FHIT: variants seen among roughly 807,000 people sequenced by gnomAD.
The protein encoded by FHIT is bis(5'-adenosyl)-triphosphatase.
Under a neutral mutation model 17.9 loss-of-function variants are expected in FHIT, and 19 were observed. That is an observed-to-expected ratio of 1.06 (90% CI 0.74 to 1.56). FHIT has a LOEUF of 1.56. Among genes scored for constraint, FHIT ranks in the 40% most tolerant of loss-of-function variants. FHIT has a pLI of 0.00. For synonymous variants in FHIT, 81 were observed against 69.7 expected, an observed-to-expected ratio of 1.16 and a Z score of -0.81; for missense variants, 248 against 189.2, an observed-to-expected ratio of 1.31 and a Z score of -1.82.
chr3:60,426,247 C>T (rs1309691776), intron 5 of FHIT, among the ~76,000 whole-genome samples: 1 of 152,052 alleles, frequency 6.6e-6, no homozygotes, highest in Non-Finnish European at 1.5e-5. Flanking sequence ...CAAGTGCTTG[C>T]AAATAAGGCC....
At chr3:60,170,530 AGT>A in intron 5 of FHIT, among the ~76,000 whole-genome samples, 1 of 152,290 alleles carries the variant, frequency 6.6e-6, no homozygotes, top group South Asian at 2.1e-4. Flanking sequence ...TTTGCTCACC[AGT>A]GTGACCCCAG....
At chr3:61,114,117 C>T (rs528082639) in intron 2 of FHIT, among the ~76,000 whole-genome samples, 183 of 152,230 alleles carry the variant, frequency 1.2e-3, no homozygotes, top group African/African-American at 3.9e-3. Context: ...AAATCATGCC[C>T]AATCTTTCCT....
chr3:61,150,924 C>T (rs1254343085), intron 2 of FHIT, among the ~76,000 whole-genome samples: 1 of 152,162 alleles, frequency 6.6e-6, no homozygotes. Context: ...GTCAAGGATA[C>T]CACCAAATTG....
chr3:60,007,455 A>G (rs1699969381), intron 7 of FHIT, among the ~76,000 whole-genome samples: 1 of 152,156 alleles, frequency 6.6e-6, no homozygotes, highest in Admixed American at 6.6e-5. Flanking sequence ...AACTTATGAG[A>G]TTCGTTCCAA....
intron 5 of FHIT, among the ~76,000 whole-genome samples, chr3:60,247,442 AGAT>A (rs1705460100): frequency 6.6e-6 from 1 of 152,080 alleles, no homozygotes; most frequent in East Asian, 1.9e-4. Flanking sequence ...ATGAAGATGA[AGAT>A]GAAGAAGAAG....
At chr3:61,004,251 T>C (rs569444933) in intron 3 of FHIT, among the ~76,000 whole-genome samples, 17 of 152,052 alleles carry the variant, frequency 1.1e-4, no homozygotes, top group Admixed American at 1.1e-3. Context: ...ATGGCCTGAG[T>C]GTCTTTAGCT....
chr3:60,453,378 C>A (rs988916783), intron 5 of FHIT, among the ~76,000 whole-genome samples: 1 of 152,194 alleles, frequency 6.6e-6, no homozygotes, highest in Admixed American at 6.5e-5. Context: ...GGCGAGGTAA[C>A]AGTTTTTCAG....
intron 5 of FHIT, among the ~76,000 whole-genome samples, chr3:60,467,657 A>G (rs977717683): frequency 1.3e-5 from 2 of 151,924 alleles, no homozygotes; most frequent in East Asian, 3.9e-4. Flanking sequence ...TTGATTTCTA[A>G]TTTTATTCCA....
At chr3:60,490,017 T>A (rs79213821) in intron 5 of FHIT, among the ~76,000 whole-genome samples, 1 of 152,118 alleles carries the variant, frequency 6.6e-6, no homozygotes, top group Non-Finnish European at 1.5e-5. Context: ...CAAGGCTACT[T>A]TTGACCAAAA....
chr3:61,000,227 G>A (rs897727976), intron 3 of FHIT, among the ~76,000 whole-genome samples: 1 of 152,184 alleles, frequency 6.6e-6, no homozygotes, highest in Admixed American at 6.5e-5. Context: ...CAGCACCACA[G>A]CAAGTAGGGT....
chr3:60,840,041 A>AC (rs1553744673), intron 3 of FHIT, among the ~76,000 whole-genome samples: 1 of 151,968 alleles, frequency 6.6e-6, no homozygotes, highest in East Asian at 1.9e-4. Flanking sequence ...CAGCTCCGTG[A>AC]GGAGCTCTCT....
At chr3:60,631,376 A>G (rs2039437618) in intron 4 of FHIT, among the ~76,000 whole-genome samples, 1 of 152,198 alleles carries the variant, frequency 6.6e-6, no homozygotes, top group African/African-American at 2.4e-5. Context: ...CCTAAAAACA[A>G]GAGCCTGTCT....
intron 3 of FHIT, among the ~76,000 whole-genome samples, chr3:61,014,657 G>A (rs1212501868): frequency 1.3e-5 from 2 of 150,514 alleles, no homozygotes; most frequent in African/African-American, 2.4e-5. Flanking sequence ...GTGGGCACCT[G>A]TAGTCCCAGC....
At chr3:60,875,676 G>A (rs1553756298) in intron 3 of FHIT, among the ~76,000 whole-genome samples, 1 of 148,222 alleles carries the variant, frequency 6.7e-6, no homozygotes, top group Non-Finnish European at 1.5e-5. Context: ...CTTAGTAGAT[G>A]CCAGGCATAG....
At chr3:60,145,891 G>A (rs2107314753) in intron 5 of FHIT, among the ~76,000 whole-genome samples, 1 of 152,220 alleles carries the variant, frequency 6.6e-6, no homozygotes, top group Middle Eastern at 3.4e-3. Flanking sequence ...GGCTCCCCAA[G>A]AACAGTGAAT....
chr3:60,958,695 T>A (rs1448759459), intron 3 of FHIT, among the ~76,000 whole-genome samples: 1 of 152,152 alleles, frequency 6.6e-6, no homozygotes, highest in African/African-American at 2.4e-5. Context: ...TGGCAGTAAG[T>A]ATAGCTGAGA....
chr3:60,471,273 A>G (rs2033076866), intron 5 of FHIT, among the ~76,000 whole-genome samples: 1 of 152,198 alleles, frequency 6.6e-6, no homozygotes, highest in Non-Finnish European at 1.5e-5. Context: ...AGCTCAGTAC[A>G]GGACCAGGAC....
intron 5 of FHIT, among the ~76,000 whole-genome samples, chr3:60,173,884 A>AATATATAT (rs776742490): frequency 0.027 from 818 of 30,450 alleles, 52 homozygotes; most frequent in East Asian, 0.039. Context: ...CCATGTTTCT[A>AATATATAT]ATATATATAT....
intron 5 of FHIT, among the ~76,000 whole-genome samples, chr3:60,486,247 C>A (rs1331472542): frequency 6.6e-6 from 1 of 151,948 alleles, no homozygotes; most frequent in Non-Finnish European, 1.5e-5. Context: ...GCTAGAATTT[C>A]CAATAAAAAA....
Sources: gnomAD v4.1 joint callset for allele counts (sites outside exome capture counted in the v4.1 genomes callset) on GRCh38, gnomAD v4.1.1 for gene constraint, MANE v1.5 for transcripts, NCBI Gene and HGNC (gene_info 2026-07-23, HGNC 2026-07-21) for gene names.